NMBR: variants seen among roughly 807,000 people sequenced by gnomAD.
NMBR encodes neuromedin-B receptor.
In NMBR, 16 loss-of-function variants were observed where a neutral mutation model predicts 20.5. That is an observed-to-expected ratio of 0.78 (90% CI 0.53 to 1.19). The LOEUF (loss-of-function observed/expected upper bound fraction) is 1.19, where lower values mean the gene tolerates loss of function less well. NMBR is among the 50% of genes most tolerant of loss of function. The pLI is 0.00. For missense variants in NMBR, 582 were observed against 499.1 expected, an observed-to-expected ratio of 1.17 and a Z score of -1.58; for synonymous variants, 212 against 196.6, an observed-to-expected ratio of 1.08 and a Z score of -0.65.
At chr6:142,134,594 C>A (rs9376674) in intron 1 of NMBR, 126,201 of 655,448 alleles carry the variant, frequency 0.19, 13,676 homozygotes, top group Non-Finnish European at 0.23. Context: ...CTTTATGCTG[C>A]ATGTAAAAGC....
intron 1 of NMBR, among the ~76,000 whole-genome samples, chr6:142,096,947 G>C (rs2114576558): frequency 6.6e-6 from 1 of 151,928 alleles, no homozygotes; most frequent in South Asian, 2.1e-4. Flanking sequence ...TGTCTCTATT[G>C]ATCTTTGTTG....
intron 1 of NMBR, among the ~76,000 whole-genome samples, chr6:142,099,721 A>C (rs1777525391): frequency 6.6e-6 from 1 of 152,214 alleles, no homozygotes; most frequent in African/African-American, 2.4e-5. Context: ...ACTTATTCAA[A>C]ACTAAAAATT....
chr6:142,133,154 G>A (rs1778175149), intron 1 of NMBR: 3 of 677,218 alleles, frequency 4.4e-6, no homozygotes, highest in African/African-American at 1.8e-5. Flanking sequence ...AACATCTCCT[G>A]AGACATGTCT....
At chr6:142,095,335 C>G (rs1246922972) in intron 1 of NMBR, among the ~76,000 whole-genome samples, 1 of 152,152 alleles carries the variant, frequency 6.6e-6, no homozygotes, top group Non-Finnish European at 1.5e-5. Flanking sequence ...CCATCAATAC[C>G]TAATTTATTG....
chr6:142,079,150 G>GAAAAAAGAAAGAAAGAAAA (rs1562390303), intron 2 of NMBR, among the ~76,000 whole-genome samples: 1 of 77,024 alleles, frequency 1.3e-5, no homozygotes. Context: ...AGAAAAAGAA[G>GAAAAAAGAAAGAAAGAAAA]AGAGGAGAGG....
Position 142,088,737 on chromosome 6 carries a change from T to A in NMBR, c.-79A>T. On this transcript the variant is annotated 5_prime_UTR_variant, in exon 2 of 4. Coordinates refer to ENST00000258042, the MANE Select transcript of NMBR (RefSeq NM_002511.4). The stretch of plus-strand genomic sequence containing the variant: ...GGACTGAACGCCCACGATTTAGGTT[T>A]AATCGATGTCCCTCCCTCTCGCCCC... 1 of 1,278,742 alleles carries A rather than the reference T, an allele frequency of 7.8e-7. No individual in the cohort carries two copies. Among genetic ancestry groups the A allele is most frequent in the Non-Finnish European group, 1.1e-6 (1 of 930,082 alleles). 79.2% of individuals were successfully genotyped at this position (1,278,742 alleles called of 1,614,324 possible). A position where few individuals can be genotyped will look rare whatever the true frequency, so the allele number is the denominator to read the frequency against.
At chr6:142,103,841 C>T (rs149282422) in intron 1 of NMBR, among the ~76,000 whole-genome samples, 112 of 152,198 alleles carry the variant, frequency 7.4e-4, no homozygotes, top group Non-Finnish European at 1.1e-3. Context: ...GTTTTATAAA[C>T]CAATTAATCA....
rs776976405 is a variant in NMBR, at chr6:142,088,693, A to C, written c.-35T>G. On this transcript the variant is annotated 5_prime_UTR_variant, in exon 2 of 4. Transcript: ENST00000258042. The stretch of plus-strand genomic sequence containing the variant: ...TCCAGCAGAGTCCGCTGGAGTTTTC[A>C]CGCGCTCCGGTGCCCTGAGGACTGA... 1.1e-5 allele frequency: 17 copies of C among 1,569,338 alleles called. No homozygotes were observed. The highest frequency in any genetic ancestry group is 1.5e-5 in the Non-Finnish European group (17 of 1,161,574).
chr6:142,088,426 G>T lies in NMBR; in HGVS notation c.233C>A (p.Pro78His). 5 of 1,614,082 alleles carry T rather than the reference G, an allele frequency of 3.1e-6. No homozygotes were observed. The highest frequency in any genetic ancestry group is 3.4e-6 in the Non-Finnish European group (4 of 1,180,012). Residue 78 changes from proline to histidine, a missense_variant, in exon 2 of 4, where the codon CCC (proline) becomes CAC (histidine). Pro to His is a moderately conservative substitution (Grantham distance 77). Coordinates refer to ENST00000258042, the MANE Select transcript of NMBR (RefSeq NM_002511.4). ...FITNSAMRSV[P>H]NIFISNLAAG... ...CGCCAGGTTAGAGATGAAGATGTTGGGGACGCTCCTCATGGCGCTGTTGGT... is the reference window on the plus strand; with the variant it reads ...CGCCAGGTTAGAGATGAAGATGTTGTGGACGCTCCTCATGGCGCTGTTGGT...
chr6:142,135,496 T>G, intron 1 of NMBR, among the ~76,000 whole-genome samples: 1 of 151,906 alleles, frequency 6.6e-6, no homozygotes, highest in Middle Eastern at 3.4e-3. Context: ...TTCTTTTCTT[T>G]TATTTATTAT....
At chr6:142,080,179 C>T (rs185777106) in intron 2 of NMBR, among the ~76,000 whole-genome samples, 35 of 151,938 alleles carry the variant, frequency 2.3e-4, no homozygotes, top group Non-Finnish European at 5.2e-4. Flanking sequence ...CTTTACTTTC[C>T]ATCATTTTTT....
chr6:142,128,881 T>C (rs1358756356), intron 1 of NMBR, among the ~76,000 whole-genome samples: 1 of 151,392 alleles, frequency 6.6e-6, no homozygotes, highest in African/African-American at 2.4e-5. Context: ...ATAAATTGAG[T>C]TTGGCAGTGT....
At chr6:142,079,111 A>AGAGAGAGAGAAAGAAAG (rs752203124) in intron 2 of NMBR, among the ~76,000 whole-genome samples, 1 of 79,658 alleles carries the variant, frequency 1.3e-5, no homozygotes, top group Admixed American at 1.4e-4. Flanking sequence ...AGAGAGAAAG[A>AGAGAGAGAGAAAGAAAG]AAGAAAGAAA....
intron 1 of NMBR, chr6:142,134,913 C>G: frequency 1.8e-6 from 1 of 559,860 alleles, no homozygotes; most frequent in Non-Finnish European, 3.1e-6. Context: ...ACTTTCCATT[C>G]AGACAATGAC....
chr6:142,079,147 G>GAGA (rs1777039866), intron 2 of NMBR, among the ~76,000 whole-genome samples: 1 of 86,784 alleles, frequency 1.2e-5, no homozygotes, highest in Admixed American at 1.1e-4. Flanking sequence ...GAAAGAAAAA[G>GAGA]AAGAGAGGAG....
At chr6:142,121,202 T>G (rs1195988612) in intron 1 of NMBR, among the ~76,000 whole-genome samples, 1 of 151,972 alleles carries the variant, frequency 6.6e-6, no homozygotes, top group African/African-American at 2.4e-5. Context: ...GTGTTCTTAC[T>G]GCTCTACCAA....
intron 1 of NMBR, among the ~76,000 whole-genome samples, chr6:142,145,639 A>G (rs1778419234): frequency 6.6e-6 from 1 of 152,218 alleles, no homozygotes; most frequent in Non-Finnish European, 1.5e-5. Context: ...AGGCAAGGCA[A>G]AATAATTCAT....
intron 1 of NMBR, among the ~76,000 whole-genome samples, chr6:142,132,593 T>C (rs1778164756): frequency 6.6e-6 from 1 of 152,206 alleles, no homozygotes; most frequent in South Asian, 2.1e-4. Flanking sequence ...TATTATATCC[T>C]GTGTTAACAA....
intron 1 of NMBR, among the ~76,000 whole-genome samples, chr6:142,137,365 A>G (rs1419441073): frequency 1.3e-5 from 2 of 152,272 alleles, no homozygotes; most frequent in Non-Finnish European, 1.5e-5. Context: ...GACTTTGCTG[A>G]AGTTGCTTAT....
Sources: allele counts gnomAD v4.1 joint callset (sites outside exome capture counted in the v4.1 genomes callset), GRCh38; gene constraint gnomAD v4.1.1; transcripts MANE v1.5; gene names NCBI Gene and HGNC (gene_info 2026-07-23, HGNC 2026-07-21).